TANC2: variants seen among roughly 807,000 people sequenced by gnomAD.
TANC2 encodes the protein protein TANC2.
Under a neutral mutation model 210.5 loss-of-function variants are expected in TANC2, and 26 were observed. The observed-to-expected ratio is 0.12, with a 90% CI of 0.09 to 0.17. The LOEUF (loss-of-function observed/expected upper bound fraction) is 0.17. TANC2 is among the 10% of genes least tolerant of loss of function. TANC2 has a pLI of 1.00. For missense variants in TANC2, 2,129 were observed against 2,608.9 expected, an observed-to-expected ratio of 0.82 and a Z score of 4.01; for synonymous variants, 931 against 967.1, an observed-to-expected ratio of 0.96 and a Z score of 0.69.
chr17:63,133,410 T>G lies in TANC2; in HGVS notation c.323-17860T>G, dbSNP rs1480119428. Among the ~76,000 whole-genome samples, 4 of 152,328 alleles carry G rather than the reference T, an allele frequency of 2.6e-5. No individual in the cohort carries two copies. In the South Asian group the frequency reaches 8.3e-4, roughly 32 times the overall value. On this transcript the variant is annotated intron_variant, in intron 4 of 27. Transcript: ENST00000689528. ...GTGAGCCACCGCGCCTGGCCAGTAG[T>G]TTTTTACTTCCCACGTTGATTGACT...
intron 5 of TANC2, among the ~76,000 whole-genome samples, chr17:63,179,356 G>A (rs947353868): frequency 1.3e-5 from 2 of 152,144 alleles, no homozygotes; most frequent in Non-Finnish European, 2.9e-5. Flanking sequence ...CTTAAATATT[G>A]TCTCTGTTAC....
intron 7 of TANC2, among the ~76,000 whole-genome samples, chr17:63,207,304 C>G (rs989406160): frequency 7.3e-5 from 11 of 150,904 alleles, no homozygotes; most frequent in Non-Finnish European, 1.6e-4. Context: ...CAAGCTCCAC[C>G]TCCCGGGTTC....
intron 4 of TANC2, among the ~76,000 whole-genome samples, chr17:63,110,697 C>G (rs1394524953): frequency 6.6e-6 from 1 of 152,170 alleles, no homozygotes; most frequent in African/African-American, 2.4e-5. Flanking sequence ...AAGGGAGGAG[C>G]CTTTATATGG....
intron 11 of TANC2, among the ~76,000 whole-genome samples, chr17:63,328,773 ATAAC>A (rs1180814737): frequency 6.6e-6 from 1 of 152,078 alleles, no homozygotes; most frequent in African/African-American, 2.4e-5. Context: ...ATATTTCAAA[ATAAC>A]TAACTTTTAA....
intron 15 of TANC2, among the ~76,000 whole-genome samples, chr17:63,387,033 T>C (rs1363105942): frequency 6.6e-6 from 1 of 152,022 alleles, no homozygotes; most frequent in Non-Finnish European, 1.5e-5. Context: ...TTTAATTTTT[T>C]TGTAAAGATG....
chr17:63,020,175 G>C (rs1178773207), intron 2 of TANC2, among the ~76,000 whole-genome samples: 1 of 152,196 alleles, frequency 6.6e-6, no homozygotes, highest in Non-Finnish European at 1.5e-5. Context: ...TGATCCGCCT[G>C]CCTTGGCCTC....
At chr17:63,411,407 A>T in intron 21 of TANC2, 104 bp from the exon 22 acceptor site, 1 of 1,149,690 alleles carries the variant, frequency 8.7e-7, no homozygotes, top group Non-Finnish European at 1.2e-6. Flanking sequence ...AATAGTCCAG[A>T]AACGAGCAGT....
chr17:63,368,085 A>G (rs141943276), intron 14 of TANC2, among the ~76,000 whole-genome samples: 1 of 152,308 alleles, frequency 6.6e-6, no homozygotes, highest in East Asian at 1.9e-4. Flanking sequence ...TGTATGTGGG[A>G]GAGATATTTT....
At chr17:63,350,895 C>G (rs1001036648) in intron 12 of TANC2, among the ~76,000 whole-genome samples, 1 of 125,966 alleles carries the variant, frequency 7.9e-6, no homozygotes, top group Non-Finnish European at 1.7e-5. Context: ...AAAAAAAAAA[C>G]AGAACATGTT....
At chr17:63,167,073 C>T (rs1203240079) in intron 5 of TANC2, among the ~76,000 whole-genome samples, 2 of 152,242 alleles carry the variant, frequency 1.3e-5, no homozygotes, top group Non-Finnish European at 2.9e-5. Flanking sequence ...CATTCATTGA[C>T]GCTATGCCAT....
At chr17:63,098,511 G>GTATATATATATA (rs1286873668) in intron 3 of TANC2, among the ~76,000 whole-genome samples, 48 of 72,600 alleles carry the variant, frequency 6.6e-4, no homozygotes, top group African/African-American at 4.6e-3. Flanking sequence ...CTCTCTCTCT[G>GTATATATATATA]TGTGTATATA....
At chr17:63,251,006 G>T (rs1598707203) in intron 8 of TANC2, among the ~76,000 whole-genome samples, 1 of 152,106 alleles carries the variant, frequency 6.6e-6, no homozygotes, top group Non-Finnish European at 1.5e-5. Context: ...GTGCCAAACG[G>T]ATTATGAAAT....
intron 11 of TANC2, chr17:63,332,631 A>G (rs2042545589): frequency 5.0e-6 from 1 of 201,426 alleles, no homozygotes. Flanking sequence ...TTCCCTGGCC[A>G]GGGCCACCCG....
chr17:63,222,273 A>G (rs1016920883), intron 7 of TANC2, among the ~76,000 whole-genome samples: 3 of 152,178 alleles, frequency 2.0e-5, no homozygotes, highest in Admixed American at 6.5e-5. Flanking sequence ...TAGAATTTCA[A>G]TGTATGAGTT....
At chr17:63,194,946 ATGTC>A (rs1217319263) in intron 6 of TANC2, among the ~76,000 whole-genome samples, 1 of 152,176 alleles carries the variant, frequency 6.6e-6, no homozygotes, top group Non-Finnish European at 1.5e-5. Flanking sequence ...TTCAGCGTGA[ATGTC>A]TGATAGTGAA....
In TANC2 at chr17:62,966,345, C is replaced by T. The variant is rs1428310739; in HGVS notation, c.-428C>T. Among the ~76,000 whole-genome samples the T allele has an allele frequency of 6.8e-6, 1 of 146,786 alleles. No homozygotes were observed. The highest frequency in any genetic ancestry group is 1.5e-5 in the Non-Finnish European group (1 of 65,996). ...GCCGCCCGCCCGGCGGGGGAAGCTGCGAGCGCTCCGAGCGCCCGGCCTAGG... is the reference window on the plus strand; with the variant it reads ...GCCGCCCGCCCGGCGGGGGAAGCTGTGAGCGCTCCGAGCGCCCGGCCTAGG... On this transcript the variant is annotated 5_prime_UTR_variant, in exon 1 of 28. Coordinates refer to ENST00000689528, the Ensembl canonical transcript of TANC2. The surrounding 1 kb of genome is among the most constrained non-coding windows in gnomAD (Gnocchi z 5.1).
chr17:63,220,475 G>T (rs1188452787), intron 7 of TANC2, among the ~76,000 whole-genome samples: 5 of 151,456 alleles, frequency 3.3e-5, no homozygotes, highest in Non-Finnish European at 7.4e-5. Flanking sequence ...GCTGAGGTGG[G>T]CAGATCACTT....
intron 10 of TANC2, among the ~76,000 whole-genome samples, chr17:63,318,513 C>T (rs1043974369): frequency 3.3e-5 from 5 of 152,202 alleles, no homozygotes; most frequent in Non-Finnish European, 1.5e-5. Context: ...CCTCTATTTC[C>T]AGCCCTAGGT....
chr17:63,340,818 C>T (rs2146793671), intron 12 of TANC2, among the ~76,000 whole-genome samples: 1 of 152,300 alleles, frequency 6.6e-6, no homozygotes, highest in East Asian at 1.9e-4. Flanking sequence ...TTAAAATCTA[C>T]TTAAGGGGCA....
Sources: gnomAD v4.1 joint callset for allele counts (sites outside exome capture counted in the v4.1 genomes callset) on GRCh38, gnomAD v4.1.1 for gene constraint, Gnocchi (gnomAD v3.1) non-coding constraint, MANE v1.5 for transcripts, NCBI Gene and HGNC (gene_info 2026-07-23, HGNC 2026-07-21) for gene names.